The following TUSC3 variants were observed in gnomAD, a reference collection of about 807,000 sequenced individuals.
TUSC3 encodes dolichyl-diphosphooligosaccharide--protein glycosyltransferase subunit TUSC3.
Under a neutral mutation model 44.8 loss-of-function variants are expected in TUSC3, and 45 were observed. That is an observed-to-expected ratio of 1.00 (90% CI 0.79 to 1.29). The LOEUF is 1.29. Among genes scored for constraint, TUSC3 ranks in the 50% most tolerant of loss-of-function variants. TUSC3 has a pLI of 0.00. For missense variants in TUSC3, 519 were observed against 437.9 expected (o/e 1.19, Z -1.65); for synonymous variants, 212 against 152.9 (o/e 1.39, Z -2.85).
chr8:15,592,925 T>G (rs1460366661), intron 1 of TUSC3, among the ~76,000 whole-genome samples: 1 of 152,148 alleles, frequency 6.6e-6, no homozygotes, highest in Non-Finnish European at 1.5e-5. Flanking sequence ...AACTCAGGCG[T>G]TTTGGTTCTT....
At chr8:15,484,521 A>G (rs1800710329) in intron 2 of TUSC3, among the ~76,000 whole-genome samples, 2 of 152,256 alleles carry the variant, frequency 1.3e-5, no homozygotes, top group South Asian at 4.1e-4. Flanking sequence ...TGTGAGATAC[A>G]TCTAAGTATT....
At chr8:15,600,613 G>T (rs764074769) in intron 1 of TUSC3, among the ~76,000 whole-genome samples, 1 of 151,622 alleles carries the variant, frequency 6.6e-6, no homozygotes, top group Non-Finnish European at 1.5e-5. Flanking sequence ...AGATAGGGGA[G>T]AGGGATAAAC....
chr8:15,758,151 G>T, intron 10 of TUSC3: 3 of 1,106,794 alleles, frequency 2.7e-6, no homozygotes, highest in Non-Finnish European at 3.3e-6. Flanking sequence ...TTATCACTTA[G>T]GGAAAAAAGG....
At chr8:15,675,217 G>A (rs1329611556) in intron 6 of TUSC3, among the ~76,000 whole-genome samples, 1 of 151,806 alleles carries the variant, frequency 6.6e-6, no homozygotes, top group Non-Finnish European at 1.5e-5. Flanking sequence ...TCTGATCGCT[G>A]TCGTGTTAAT....
the TUSC3 span, among the ~76,000 whole-genome samples, chr8:15,796,018 G>T: frequency 1.3e-4 from 20 of 152,156 alleles, no homozygotes; most frequent in Admixed American, 5.2e-4. Context: ...GAATGTGTTT[G>T]TGCCATACCC....
intron 3 of TUSC3, among the ~76,000 whole-genome samples, chr8:15,652,378 A>C (rs997538190): frequency 2.0e-5 from 3 of 152,130 alleles, no homozygotes; most frequent in African/African-American, 4.8e-5. Flanking sequence ...TTTTGCCTTC[A>C]ACATTCTTTT....
intron 1 of TUSC3, among the ~76,000 whole-genome samples, chr8:15,457,165 T>A (rs1350523546): frequency 1.5e-4 from 9 of 58,714 alleles, no homozygotes. Flanking sequence ...TGGGGCCTGT[T>A]GTGAGGTGGG....
chr8:15,737,833 G>T (rs1398172701), intron 7 of TUSC3, among the ~76,000 whole-genome samples: 2 of 152,084 alleles, frequency 1.3e-5, no homozygotes, highest in Non-Finnish European at 2.9e-5. Context: ...AGTGAGAGAT[G>T]ATCATCTAGC....
rs532750815 is a variant in TUSC3 at position 15,479,436 on chromosome 8, A to C, written n.92-3950A>C. Among the ~76,000 whole-genome samples the C allele has an allele frequency of 5.9e-5, 9 of 152,294 alleles. No homozygotes were observed. In the East Asian group the frequency reaches 1.2e-3, roughly 20 times the overall value. On this transcript the variant is annotated intron_variant and non_coding_transcript_variant, in intron 1 of 5. Coordinates refer to the TUSC3 transcript ENST00000503191. ...TTTTGGGTTTTACATTTCAGCTTTT[A>C]ATCCATCTTGAGTTAATTTTTGTGT...
At chr8:15,725,956 A>T (rs1432092159) in intron 6 of TUSC3, among the ~76,000 whole-genome samples, 2 of 152,144 alleles carry the variant, frequency 1.3e-5, no homozygotes, top group Non-Finnish European at 2.9e-5. Flanking sequence ...TATTATTAAC[A>T]CTGGAAACTG....
intron 7 of TUSC3, among the ~76,000 whole-genome samples, chr8:15,741,977 A>G (rs192026422): frequency 3.2e-4 from 49 of 152,296 alleles, no homozygotes; most frequent in African/African-American, 1.0e-3. Context: ...GTTATTAACA[A>G]TGTCCCATGT....
intron 1 of TUSC3, among the ~76,000 whole-genome samples, chr8:15,438,374 G>A (rs1799978617): frequency 6.6e-6 from 1 of 152,220 alleles, no homozygotes; most frequent in South Asian, 2.1e-4. Context: ...GGGATTACAG[G>A]CGTGAGCCAC....
intron 6 of TUSC3, among the ~76,000 whole-genome samples, chr8:15,678,981 C>T (rs867434867): frequency 4.3e-4 from 65 of 152,096 alleles, no homozygotes; most frequent in Middle Eastern, 3.4e-3. Flanking sequence ...GTATATGTAC[C>T]GTATTTTCTT....
chr8:15,804,698 A>G, the TUSC3 span, among the ~76,000 whole-genome samples: 5,259 of 152,228 alleles, frequency 0.035, 305 homozygotes, highest in African/African-American at 0.12. Context: ...CTTTTGTACC[A>G]GTACCATGTG....
In TUSC3 at chr8:15,512,931, C is replaced by T. The variant is rs1457517572; in HGVS notation, n.189+29448C>T. Among the ~76,000 whole-genome samples the T allele has an allele frequency of 1.3e-4, 14 of 110,588 alleles. No homozygotes were observed. In the East Asian group the frequency reaches 1.3e-3, roughly 10 times the overall value. 72.6% of individuals were successfully genotyped at this position (110,588 alleles called of 152,430 possible). ...ATATATATGTATCTATATATATAATCATATATATATATATATATATATATA... is the reference window on the plus strand; with the variant it reads ...ATATATATGTATCTATATATATAATTATATATATATATATATATATATATA... On this transcript the variant is annotated intron_variant and non_coding_transcript_variant, in intron 2 of 5. Transcript: ENST00000503191.
chr8:15,641,361 CA>C (rs34446791), intron 2 of TUSC3, among the ~76,000 whole-genome samples: 4,022 of 99,394 alleles, frequency 0.04, 59 homozygotes, highest in East Asian at 0.18. Context: ...GACTCCGTCT[CA>C]AAAAAAAAAA....
At chr8:15,766,782 T>C (rs1466307392), downstream of TUSC3, 1 of 152,118 alleles carries the variant, frequency 6.6e-6, no homozygotes, top group Non-Finnish European at 1.5e-5. Flanking sequence ...ATTCCCTTTC[T>C]TGCTATCACC....
the TUSC3 span, among the ~76,000 whole-genome samples, chr8:15,835,843 A>G: frequency 8.6e-4 from 101 of 118,114 alleles, no homozygotes; most frequent in African/African-American, 2.6e-3. Flanking sequence ...TACTTCATCT[A>G]TCATGGACTG....
intron 1 of TUSC3, among the ~76,000 whole-genome samples, chr8:15,562,187 A>G (rs1009398630): frequency 2.0e-5 from 3 of 152,116 alleles, no homozygotes; most frequent in Admixed American, 1.3e-4. Flanking sequence ...CTACACAATT[A>G]CTGCGTGAGG....
Sources: gnomAD v4.1 joint callset for allele counts (sites outside exome capture counted in the v4.1 genomes callset) on GRCh38, gnomAD v4.1.1 for gene constraint, MANE v1.5 for transcripts, NCBI Gene and HGNC (gene_info 2026-07-23, HGNC 2026-07-21) for gene names.